Variants in CBLB observed in about 807,000 individuals in gnomAD.
CBLB encodes E3 ubiquitin-protein ligase CBL-B.
A neutral mutation model predicts 104.9 loss-of-function variants in CBLB; 31 were observed. The observed-to-expected ratio is 0.30, with a 90% CI of 0.22 to 0.40. The LOEUF is 0.40. Ranked by LOEUF, CBLB falls within the 10% of genes least tolerant of loss-of-function variation. CBLB has a pLI of 1.00. For missense variants in CBLB, 1,062 were observed against 1,214.6 expected (o/e 0.87, Z 1.87); for synonymous variants, 440 against 422.6 (o/e 1.04, Z -0.51).
chr3:105,679,249 G>A (rs7624530), intron 16 of CBLB, among the ~76,000 whole-genome samples: 32,129 of 144,104 alleles, frequency 0.22, 3,547 homozygotes, highest in Admixed American at 0.27. Context: ...TTAATAACTA[G>A]AATATTGCAG....
chr3:105,815,839 T>C (rs1431599024), intron 3 of CBLB, among the ~76,000 whole-genome samples: 1 of 152,120 alleles, frequency 6.6e-6, no homozygotes, highest in Non-Finnish European at 1.5e-5. Context: ...ATGTGGCACA[T>C]ATACACCATG....
intron 7 of CBLB, among the ~76,000 whole-genome samples, chr3:105,739,273 T>C (rs2075284329): frequency 6.6e-6 from 1 of 152,234 alleles, no homozygotes; most frequent in African/African-American, 2.4e-5. Context: ...ACTTTTTTTC[T>C]TTTCTTTCTT....
At chr3:105,732,146 T>A (rs962552210) in intron 9 of CBLB, among the ~76,000 whole-genome samples, 4 of 152,252 alleles carry the variant, frequency 2.6e-5, no homozygotes, top group African/African-American at 9.6e-5. Flanking sequence ...AAACACTGAA[T>A]GATTATCAGG....
intron 4 of CBLB, among the ~76,000 whole-genome samples, chr3:105,776,029 AT>A (rs940825292): frequency 6.6e-6 from 1 of 152,124 alleles, no homozygotes; most frequent in Admixed American, 6.6e-5. Flanking sequence ...TACTTATGCC[AT>A]TTTTTAAAGT....
chr3:105,672,385 TA>T (rs2065167910), intron 17 of CBLB: 1 of 178,038 alleles, frequency 5.6e-6, no homozygotes, highest in African/African-American at 2.4e-5. Context: ...TCTTGCATCA[TA>T]TCCTAAGTTT....
rs116545486 is a variant in CBLB at position 105,685,465 on chromosome 3, A to C, written c.2056T>G (p.Cys686Gly). Reference sequence around the variant, plus strand: ...AGAGAATTTGCTAACGGACCAGTACACCTACCAGGGGAAAAAAAATCCAAT... The same window carrying C: ...AGAGAATTTGCTAACGGACCAGTACCCCTACCAGGGGAAAAAAAATCCAAT... ...PVTTLLPSIKCTGPLANSLSE... is the reference protein window; with the variant it reads ...PVTTLLPSIKGTGPLANSLSE... Residue 686 changes from cysteine (C) to glycine (G), a missense_variant and splice_region_variant, in exon 14 of 19, where the codon TGT (cysteine) becomes GGT (glycine). Cys to Gly is a radical substitution (Grantham distance 159). Transcript: ENST00000394030. The C allele has an allele frequency of 3.7e-6, 6 of 1,612,650 alleles. No homozygotes were observed. The highest frequency in any genetic ancestry group is 4.2e-6 in the Non-Finnish European group (5 of 1,178,904).
chr3:105,819,488 CAAAA>C (rs1464453983), intron 3 of CBLB, among the ~76,000 whole-genome samples: 1 of 121,224 alleles, frequency 8.2e-6, no homozygotes, highest in Non-Finnish European at 1.8e-5. Context: ...CTCCACCTCT[CAAAA>C]AAAAAAAAAG....
chr3:105,826,000 A>C (rs1214333662), intron 3 of CBLB, among the ~76,000 whole-genome samples: 1 of 152,196 alleles, frequency 6.6e-6, no homozygotes, highest in Non-Finnish European at 1.5e-5. Context: ...ATTCTTGAAA[A>C]GATAGCTTCA....
At chr3:105,822,015 CATT>C (rs1228162932) in intron 3 of CBLB, among the ~76,000 whole-genome samples, 4 of 151,970 alleles carry the variant, frequency 2.6e-5, no homozygotes, top group African/African-American at 7.3e-5. Context: ...AAATGTGGCT[CATT>C]ATATTTAAAA....
At chr3:105,683,177 T>C (rs2066529446) in intron 14 of CBLB, among the ~76,000 whole-genome samples, 1 of 152,230 alleles carries the variant, frequency 6.6e-6, no homozygotes, top group South Asian at 2.1e-4. Context: ...ATGATGGATT[T>C]TTACTGAAAT....
In CBLB at chr3:105,847,790, C is replaced by T. The variant is rs377763628; in HGVS notation, c.419+5624G>A. Among the ~76,000 whole-genome samples, 14 of 152,210 alleles carry T rather than the reference C, an allele frequency of 9.2e-5. No individual in the cohort carries two copies. In the South Asian group the frequency reaches 2.9e-3, roughly 32 times the overall value. ...TTGCAGAGCAGCTGATTAATACACA[C>T]TTTTCAGAAGAAATAAATTTTACTA... On this transcript the variant is annotated intron_variant, in intron 3 of 18. Coordinates refer to ENST00000394030, the MANE Select transcript of CBLB (RefSeq NM_170662.5).
chr3:105,757,482 T>C (rs894884157), intron 4 of CBLB, among the ~76,000 whole-genome samples: 8 of 152,208 alleles, frequency 5.3e-5, no homozygotes, highest in Non-Finnish European at 1.2e-4. Context: ...TCTTCCAAGA[T>C]GCAGGCAGCA....
chr3:105,788,447 G>T (rs1050678451), intron 3 of CBLB, among the ~76,000 whole-genome samples: 1 of 151,930 alleles, frequency 6.6e-6, no homozygotes, highest in African/African-American at 2.4e-5. Flanking sequence ...CTTAAAAAAA[G>T]AAGTCACAAA....
intron 10 of CBLB, among the ~76,000 whole-genome samples, chr3:105,718,017 C>G (rs888707258): frequency 1.3e-5 from 2 of 152,102 alleles, no homozygotes; most frequent in African/African-American, 2.4e-5. Context: ...ATATAACTTG[C>G]CTAGCATGCC....
intron 3 of CBLB, among the ~76,000 whole-genome samples, chr3:105,781,153 C>A (rs115859604): frequency 6.6e-6 from 1 of 152,098 alleles, no homozygotes; most frequent in South Asian, 2.1e-4. Flanking sequence ...GAATCCACAA[C>A]GTCATCATCT....
At chr3:105,680,343 T>C (rs75172005) in intron 16 of CBLB, among the ~76,000 whole-genome samples, 6,960 of 152,232 alleles carry the variant, frequency 0.046, 348 homozygotes, top group Admixed American at 0.13. Context: ...CTTTGTCATA[T>C]AAAGTAGTCA....
chr3:105,861,706 CATACAT>C (rs2092108610), intron 2 of CBLB, among the ~76,000 whole-genome samples: 1 of 150,038 alleles, frequency 6.7e-6, no homozygotes, highest in East Asian at 1.9e-4. Context: ...CACACACACA[CATACAT>C]ACACACACAC....
rs1321524710 is a variant in CBLB, at chr3:105,733,860, A to G, written c.1203+149T>C. 5 of 642,678 alleles carry G rather than the reference A, an allele frequency of 7.8e-6. No homozygotes were observed. The African/African-American group carries it at 9.2e-5, about 12-fold the overall frequency. The allele number at this position is 642,678 out of a possible 1,614,324, so 39.8% of individuals were successfully genotyped here. A position where few individuals can be genotyped will look rare whatever the true frequency, so the allele number is the denominator to read the frequency against. On this transcript the variant is annotated intron_variant, in intron 9 of 18. Transcript: ENST00000394030. ...ATATAAGATAGTTAAAAATCAAATT[A>G]TATATAGCAACTCAAACATATAAAA...
chr3:105,798,896 C>G (rs2153010762), intron 3 of CBLB, among the ~76,000 whole-genome samples: 1 of 152,252 alleles, frequency 6.6e-6, no homozygotes, highest in African/African-American at 2.4e-5. Context: ...TGCTGTTGTT[C>G]TGGATGGCAG....
Sources: gnomAD v4.1 joint callset for allele counts (sites outside exome capture counted in the v4.1 genomes callset) on GRCh38, gnomAD v4.1.1 for gene constraint, MANE v1.5 for transcripts, NCBI Gene and HGNC (gene_info 2026-07-23, HGNC 2026-07-21) for gene names.